Variants in RSPH9 observed in about 807,000 individuals in gnomAD.
The protein encoded by RSPH9 is radial spoke head component 9.
In RSPH9, 27 loss-of-function variants were observed where a neutral mutation model predicts 27.0. The observed-to-expected ratio is 1.00, with a 90% CI of 0.74 to 1.38. The LOEUF (loss-of-function observed/expected upper bound fraction) is 1.38, where lower values mean the gene tolerates loss of function less well. Among genes scored for constraint, RSPH9 ranks in the 40% most tolerant of loss-of-function variants. RSPH9 has a pLI of 0.00. For synonymous variants in RSPH9, 145 were observed against 147.7 expected, an observed-to-expected ratio of 0.98 and a Z score of 0.13; for missense variants, 347 against 357.4, an observed-to-expected ratio of 0.97 and a Z score of 0.24.
intron 1 of RSPH9, among the ~76,000 whole-genome samples, chr6:43,647,792 A>G (rs1422067201): frequency 6.6e-6 from 1 of 152,228 alleles, no homozygotes; most frequent in African/African-American, 2.4e-5. Context: ...CTGAGCACCT[A>G]CTATGTGCTA....
intron 4 of RSPH9, among the ~76,000 whole-genome samples, chr6:43,660,937 G>A (rs75497942): frequency 0.038 from 5,734 of 152,282 alleles, 383 homozygotes; most frequent in African/African-American, 0.13. Context: ...CATGGCTGCA[G>A]GATGGATGTT....
chr6:43,645,795 G>A (rs1488862316), intron 1 of RSPH9, among the ~76,000 whole-genome samples: 2 of 152,220 alleles, frequency 1.3e-5, no homozygotes, highest in Non-Finnish European at 2.9e-5. Context: ...GGCTCAGTTT[G>A]GAGAAGAGTC....
At chr6:43,648,418 A>G (rs1451512825) in intron 1 of RSPH9, among the ~76,000 whole-genome samples, 2 of 152,252 alleles carry the variant, frequency 1.3e-5, no homozygotes, top group Non-Finnish European at 2.9e-5. Flanking sequence ...ATTCTAGGCA[A>G]GTGCAAATGC....
At chr6:43,645,351 C>T (rs1192531830) in intron 1 of RSPH9, 26 bp downstream of exon 1, 23 of 1,520,498 alleles carry the variant, frequency 1.5e-5, no homozygotes, top group Non-Finnish European at 1.9e-5. Flanking sequence ...GGACGGGCTC[C>T]CCAGAGGGTG....
chr6:43,663,511 G>A (rs895024532), intron 4 of RSPH9, among the ~76,000 whole-genome samples: 20 of 152,074 alleles, frequency 1.3e-4, no homozygotes, highest in Admixed American at 6.6e-4. Context: ...GAACCAATGC[G>A]CCCAGCCTCT....
intron 4 of RSPH9, among the ~76,000 whole-genome samples, chr6:43,664,745 G>A (rs561390028): frequency 1.3e-5 from 2 of 152,178 alleles, no homozygotes; most frequent in Non-Finnish European, 2.9e-5. Flanking sequence ...GGACAAGTAG[G>A]GGGATATGAA....
intron 2 of RSPH9, 102 bp from the exon 3 acceptor site, chr6:43,655,460 T>C (rs1771907155): frequency 3.0e-6 from 4 of 1,338,820 alleles, no homozygotes; most frequent in Non-Finnish European, 4.3e-6. Flanking sequence ...TGGGGTCCAC[T>C]ACACTGCAGT....
At chr6:43,659,654 T>A (rs1421137225) in intron 4 of RSPH9, among the ~76,000 whole-genome samples, 2 of 152,190 alleles carry the variant, frequency 1.3e-5, no homozygotes, top group East Asian at 3.8e-4. Context: ...AGTGCTGGGA[T>A]TACAGGCGTG....
intron 4 of RSPH9, among the ~76,000 whole-genome samples, chr6:43,670,306 G>A (rs1279807881): frequency 6.6e-6 from 1 of 152,206 alleles, no homozygotes; most frequent in Non-Finnish European, 1.5e-5. Flanking sequence ...AATGAGCAGT[G>A]AGATGGCTAA....
intron 1 of RSPH9, among the ~76,000 whole-genome samples, chr6:43,648,336 G>A (rs565545433): frequency 1.3e-5 from 2 of 152,280 alleles, no homozygotes; most frequent in South Asian, 4.1e-4. Context: ...TAGCCTCTTT[G>A]ATAAGGTCAC....
chr6:43,670,929 G>C lies in RSPH9; in HGVS notation c.811G>C (p.Asp271His). The C allele has an allele frequency of 1.9e-6, 3 of 1,614,212 alleles. No homozygotes were observed. Among genetic ancestry groups the C allele is most frequent in the Non-Finnish European group, 2.5e-6 (3 of 1,180,050 alleles). Reference protein sequence around the residue: ...VYVGTGEKNMDLPFML With the variant: ...VYVGTGEKNMHLPFML ...CGTGGGCACTGGCGAGAAGAACATG[G>C]ACTTGCCCTTCATGCTATAGAATGG... The change falls in exon 5 of 5, where the codon GAC becomes CAC. Residue 271 changes from aspartate to histidine, a missense_variant. Physicochemically the swap from Asp to His is moderately conservative, Grantham distance 81. Transcript: ENST00000372163.
chr6:43,672,020 A>G lies in RSPH9; in HGVS notation c.*1071A>G. Reference sequence around the variant, plus strand: ...CACGGTTGGGCAAGCAAATCCTTTCACCAGTTTCCCTTTCCTGAAGTGCAG... The same window carrying G: ...CACGGTTGGGCAAGCAAATCCTTTCGCCAGTTTCCCTTTCCTGAAGTGCAG... On this transcript the variant is annotated 3_prime_UTR_variant, in exon 5 of 5. Transcript: ENST00000372163. 8.0e-7 allele frequency: 1 copy of G among 1,245,030 alleles called. No homozygotes were observed. The highest frequency in any genetic ancestry group is 1.1e-6 in the Non-Finnish European group (1 of 919,330). The allele number at this position is 1,245,030 out of a possible 1,614,324, so 77.1% of individuals were successfully genotyped here.
chr6:43,646,969 A>AG (rs1770943410), intron 1 of RSPH9, among the ~76,000 whole-genome samples: 2 of 98,634 alleles, frequency 2.0e-5, no homozygotes, highest in African/African-American at 1.3e-4. Context: ...AAAAAAAAAG[A>AG]AAAAAAAAAA....
intron 4 of RSPH9, among the ~76,000 whole-genome samples, chr6:43,657,729 C>T (rs1772171761): frequency 6.6e-6 from 1 of 152,194 alleles, no homozygotes; most frequent in Non-Finnish European, 1.5e-5. Context: ...CACTTACTAG[C>T]TGTGTGACTT....
intron 4 of RSPH9, among the ~76,000 whole-genome samples, chr6:43,665,546 T>C (rs1471689970): frequency 6.6e-6 from 1 of 152,208 alleles, no homozygotes; most frequent in Non-Finnish European, 1.5e-5. Flanking sequence ...CATCTGGGCC[T>C]GGCAGGTGGG....
At chr6:43,668,311 C>T (rs868291148) in intron 4 of RSPH9, among the ~76,000 whole-genome samples, 6 of 152,234 alleles carry the variant, frequency 3.9e-5, no homozygotes, top group Middle Eastern at 6.8e-3. Flanking sequence ...TCTGTGTTTC[C>T]CGGGCGACCA....
intron 4 of RSPH9, among the ~76,000 whole-genome samples, chr6:43,664,472 G>C (rs1217476909): frequency 1.3e-5 from 2 of 152,240 alleles, no homozygotes; most frequent in Non-Finnish European, 2.9e-5. Context: ...AGAAGGCCAA[G>C]GCAGTAGAAG....
intron 4 of RSPH9, among the ~76,000 whole-genome samples, chr6:43,666,222 C>T (rs566211263): frequency 2.2e-4 from 34 of 152,138 alleles, no homozygotes; most frequent in Non-Finnish European, 4.6e-4. Flanking sequence ...TGATTTTCCT[C>T]CCCGGTCCCC....
At chr6:43,650,156 C>T (rs927413954) in intron 1 of RSPH9, among the ~76,000 whole-genome samples, 1 of 152,142 alleles carries the variant, frequency 6.6e-6, no homozygotes, top group African/African-American at 2.4e-5. Context: ...TCAAGTGATC[C>T]GCTCACCTCA....
Sources: gnomAD v4.1 joint callset for allele counts (sites outside exome capture counted in the v4.1 genomes callset) on GRCh38, gnomAD v4.1.1 for gene constraint, MANE v1.5 for transcripts, NCBI Gene and HGNC (gene_info 2026-07-23, HGNC 2026-07-21) for gene names.